The following NEDD4L variants were observed in gnomAD, a reference collection of about 807,000 sequenced individuals.
NEDD4L encodes E3 ubiquitin-protein ligase NEDD4-like.
Under a neutral mutation model 148.9 loss-of-function variants are expected in NEDD4L, and 54 were observed. That is an observed-to-expected ratio of 0.36 (90% CI 0.29 to 0.45). The LOEUF (loss-of-function observed/expected upper bound fraction) is 0.45, where lower values mean the gene tolerates loss of function less well. NEDD4L is among the 20% of genes least tolerant of loss of function. The probability of loss-of-function intolerance (pLI) is 1.00; values close to 1 mark genes in which losing one functional copy is unlikely to be tolerated. For missense variants in NEDD4L, 856 were observed against 1,233.8 expected (o/e 0.69, Z 4.59); for synonymous variants, 433 against 440.7 (o/e 0.98, Z 0.22).
chr18:58,189,065 C>T (rs993130792), intron 2 of NEDD4L, among the ~76,000 whole-genome samples: 1 of 152,176 alleles, frequency 6.6e-6, no homozygotes, highest in Non-Finnish European at 1.5e-5. Flanking sequence ...AGCCTTTATC[C>T]TCATCCAATA....
intron 18 of NEDD4L, among the ~76,000 whole-genome samples, chr18:58,356,857 A>G (rs929348064): frequency 6.6e-6 from 1 of 152,224 alleles, no homozygotes; most frequent in Non-Finnish European, 1.5e-5. Flanking sequence ...TTTTTCAACT[A>G]AATGAAAATC....
chr18:58,355,175 G>A (rs774275428), intron 18 of NEDD4L, among the ~76,000 whole-genome samples: 16 of 152,174 alleles, frequency 1.1e-4, no homozygotes, highest in Admixed American at 2.0e-4. Flanking sequence ...CTGGGGTTGG[G>A]GGGTGAGACA....
intron 6 of NEDD4L, among the ~76,000 whole-genome samples, chr18:58,318,003 C>G (rs115066810): frequency 1.6e-4 from 24 of 152,264 alleles, no homozygotes; most frequent in African/African-American, 5.3e-4. Context: ...TCTGAATGCA[C>G]GTGGCTTTTG....
intron 5 of NEDD4L, among the ~76,000 whole-genome samples, chr18:58,276,050 A>G (rs572390349): frequency 4.2e-4 from 64 of 152,264 alleles, no homozygotes; most frequent in Non-Finnish European, 7.5e-4. Flanking sequence ...TAAACCAAAC[A>G]TTTTATTAAA....
At chr18:58,062,123 C>T (rs551726499) in intron 1 of NEDD4L, among the ~76,000 whole-genome samples, 13 of 152,248 alleles carry the variant, frequency 8.5e-5, no homozygotes, top group African/African-American at 2.9e-4. Flanking sequence ...AAGAAGGCTG[C>T]TTTGTTGAGA....
At chr18:58,191,115 TA>T (rs2040062904) in intron 2 of NEDD4L, among the ~76,000 whole-genome samples, 1 of 152,158 alleles carries the variant, frequency 6.6e-6, no homozygotes, top group African/African-American at 2.4e-5. Context: ...ACTCTGTCTC[TA>T]AAAGTATAAT....
intron 2 of NEDD4L, among the ~76,000 whole-genome samples, chr18:58,229,247 C>A (rs573071609): frequency 1.3e-5 from 2 of 152,182 alleles, no homozygotes; most frequent in Non-Finnish European, 2.9e-5. Flanking sequence ...TGTTTCCACA[C>A]AAATGCCATT....
chr18:58,382,438 A>G (rs1439854165), intron 24 of NEDD4L, among the ~76,000 whole-genome samples: 1 of 152,244 alleles, frequency 6.6e-6, no homozygotes. Context: ...GAACCCCACC[A>G]AAATAGTGGC....
chr18:58,385,607 T>G, intron 26 of NEDD4L, 21 bp downstream of exon 26: 1 of 1,604,628 alleles, frequency 6.2e-7, no homozygotes, highest in Non-Finnish European at 8.5e-7. Context: ...CTGGCCAGGG[T>G]TCTCTGCCAT....
At chr18:58,254,415 T>A (rs1476934770) in intron 5 of NEDD4L, among the ~76,000 whole-genome samples, 2 of 152,174 alleles carry the variant, frequency 1.3e-5, no homozygotes, top group African/African-American at 4.8e-5. Context: ...TTTCCTTTTA[T>A]TTCTTAGGTC....
chr18:58,168,039 C>T (rs2037089978), intron 2 of NEDD4L, among the ~76,000 whole-genome samples: 1 of 152,122 alleles, frequency 6.6e-6, no homozygotes, highest in Admixed American at 6.5e-5. Context: ...TGAATTTTTA[C>T]TGTTTAGATA....
At chr18:58,276,727 C>T (rs1170415216) in intron 5 of NEDD4L, among the ~76,000 whole-genome samples, 1 of 142,406 alleles carries the variant, frequency 7.0e-6, no homozygotes, top group African/African-American at 2.6e-5. Flanking sequence ...AAAATGCTTA[C>T]TAGGCGAAGT....
At chr18:58,368,062 G>T (rs951976908) in intron 22 of NEDD4L, among the ~76,000 whole-genome samples, 195 bp downstream of exon 22, 2 of 152,076 alleles carry the variant, frequency 1.3e-5, no homozygotes, top group African/African-American at 4.8e-5. Flanking sequence ...TCTACACACA[G>T]TTAAAAACAA....
chr18:58,045,372 T>A (rs1428372238), intron 1 of NEDD4L: 2 of 384,100 alleles, frequency 5.2e-6, no homozygotes, highest in Non-Finnish European at 9.2e-6. Context: ...GCCCTGCCAT[T>A]TTTTCCTCCC....
intron 1 of NEDD4L, among the ~76,000 whole-genome samples, chr18:58,078,638 C>T (rs1344492289): frequency 1.3e-5 from 2 of 152,124 alleles, no homozygotes; most frequent in African/African-American, 4.8e-5. Context: ...ACTTAGTCCA[C>T]GTTTGACTAG....
At position 58,191,674 on chromosome 18, in the gene NEDD4L, T is replaced by A. The variant is rs544916986; in HGVS notation, c.122+25813T>A. Among the ~76,000 whole-genome samples the A allele has an allele frequency of 1.1e-4, 16 of 152,320 alleles. 1 individual carries two copies. In the South Asian group the frequency reaches 3.1e-3, roughly 30 times the overall value. On this transcript the variant is annotated intron_variant, in intron 2 of 30. Transcript: ENST00000400345. ...ACCAGCATATATACTCCTGCCACCC[T>A]CAGTGTGTAGCCAAAGTTCTAAATT...
At chr18:58,317,700 G>A (rs1004818503) in intron 6 of NEDD4L, among the ~76,000 whole-genome samples, 1 of 152,184 alleles carries the variant, frequency 6.6e-6, no homozygotes, top group Non-Finnish European at 1.5e-5. Flanking sequence ...GATTCTGAGT[G>A]GAGGCAGGGT....
rs1388180990 is a variant in NEDD4L, at chr18:58,303,007, G to GA, written c.298-12974dup. On this transcript the variant is annotated intron_variant, in intron 5 of 30. Transcript: ENST00000400345. ...CAGGACTGAGACTAGGGTGAGGCAA[G>GA]AGAGGCATCAGAATGCAAAAGTGAA... Among the ~76,000 whole-genome samples the GA allele has an allele frequency of 2.0e-5, 3 of 152,344 alleles. No individual in the cohort carries two copies. In the East Asian group the frequency reaches 5.8e-4, roughly 29 times the overall value.
At chr18:58,277,262 C>T (rs2052259676) in intron 5 of NEDD4L, among the ~76,000 whole-genome samples, 1 of 151,458 alleles carries the variant, frequency 6.6e-6, no homozygotes, top group African/African-American at 2.4e-5. Flanking sequence ...AAAAAAAATG[C>T]TCTGCTGAAA....
Sources: gnomAD v4.1 joint callset for allele counts (sites outside exome capture counted in the v4.1 genomes callset) on GRCh38, gnomAD v4.1.1 for gene constraint, MANE v1.5 for transcripts, NCBI Gene and HGNC (gene_info 2026-07-23, HGNC 2026-07-21) for gene names.